LRPPRC: variants seen among roughly 807,000 people sequenced by gnomAD.
LRPPRC encodes the protein leucine rich pentatricopeptide repeat containing, also known as leucine-rich PPR motif-containing protein, mitochondrial.
Under a neutral mutation model 180.3 loss-of-function variants are expected in LRPPRC, and 120 were observed. That is an observed-to-expected ratio of 0.67 (90% confidence interval 0.57 to 0.77). The LOEUF (loss-of-function observed/expected upper bound fraction) is 0.77. Among genes scored for constraint, LRPPRC ranks in the 30% least tolerant of loss-of-function variants. LRPPRC has a pLI of 0.00. For synonymous variants in LRPPRC, 723 were observed against 600.0 expected (o/e 1.21, Z -3.00); for missense variants, 2,012 against 1,657.2 (o/e 1.21, Z -3.72).
In LRPPRC at chr2:43,975,188, G is replaced by C; in HGVS notation, c.767C>G (p.Thr256Arg). The change falls in exon 7 of 38, where the codon ACA (threonine) becomes AGA (arginine). Residue 256 changes from threonine (T) to arginine (R), a missense_variant. Physicochemically the swap from Thr to Arg is moderately conservative, Grantham distance 71 (BLOSUM62 -1). Transcript: ENST00000260665. ...GDMENAENILTVMRDAGIEPG... is the reference protein window; with the variant it reads ...GDMENAENILRVMRDAGIEPG... ...CTCAATTCCGGCATCTCTCATCACTGTGAGAATGTTTTCTGCATTCTCCAT... is the reference window on the plus strand; with the variant it reads ...CTCAATTCCGGCATCTCTCATCACTCTGAGAATGTTTTCTGCATTCTCCAT... 1 of 1,613,210 alleles carries C rather than the reference G, an allele frequency of 6.2e-7. No individual in the cohort carries two copies. The highest frequency in any genetic ancestry group is 8.5e-7 in the Non-Finnish European group (1 of 1,179,672).
At chr2:43,954,507 G>A (rs945318306) in intron 14 of LRPPRC, among the ~76,000 whole-genome samples, 2 of 152,210 alleles carry the variant, frequency 1.3e-5, no homozygotes, top group African/African-American at 4.8e-5. Context: ...GTAGAAGTGT[G>A]AATTGCTAAT....
chr2:43,930,460 A>T (rs1672048112), intron 25 of LRPPRC, among the ~76,000 whole-genome samples: 2 of 152,122 alleles, frequency 1.3e-5, no homozygotes, highest in Non-Finnish European at 2.9e-5. Flanking sequence ...GATTTTTCTG[A>T]CTTTTGGAAT....
chr2:43,982,177 C>G (rs527423601), intron 2 of LRPPRC, 61 bp downstream of exon 2: 4 of 1,210,424 alleles, frequency 3.3e-6, no homozygotes. Context: ...GCTGGGATTA[C>G]AGGCCTGAGC....
chr2:43,891,024 G>C (rs1670471990), intron 36 of LRPPRC, among the ~76,000 whole-genome samples: 1 of 152,222 alleles, frequency 6.6e-6, no homozygotes, highest in South Asian at 2.1e-4. Flanking sequence ...ACAGAGGTGA[G>C]ACGTTCAGCA....
chr2:43,984,684 C>T (rs1043918461), intron 1 of LRPPRC, among the ~76,000 whole-genome samples: 1 of 152,080 alleles, frequency 6.6e-6, no homozygotes, highest in African/African-American at 2.4e-5. Flanking sequence ...ATGGGTATGT[C>T]GTCACAGAAA....
chr2:43,917,241 A>G (rs1044911203), intron 29 of LRPPRC, among the ~76,000 whole-genome samples: 5 of 151,534 alleles, frequency 3.3e-5, no homozygotes, highest in African/African-American at 9.7e-5. Context: ...GAGTTTCACC[A>G]TGTTGGCCAG....
At position 43,947,358 on chromosome 2, in the gene LRPPRC, T is replaced by G; in HGVS notation, c.1978A>C (p.Thr660Pro). The change falls in exon 20 of 38, where the codon ACA becomes CCA. Residue 660 changes from threonine (T) to proline (P), a missense_variant. Thr to Pro is a conservative substitution (Grantham distance 38, BLOSUM62 -1). Coordinates refer to ENST00000260665, the MANE Select transcript of LRPPRC (RefSeq NM_133259.4). ...NLDFQKTVQLTSSELESTLET... is the reference protein window; with the variant it reads ...NLDFQKTVQLPSSELESTLET... ...AGTGTGGACTCCAATTCAGATGATG[T>G]AAGTTGCACAGTCTACAGAAAAGAA... The G allele has an allele frequency of 6.4e-7, 1 of 1,558,296 alleles. No individual in the cohort carries two copies. Among genetic ancestry groups the G allele is most frequent in the Admixed American group, 1.7e-5 (1 of 59,882 alleles).
intron 27 of LRPPRC, among the ~76,000 whole-genome samples, chr2:43,919,427 T>G (rs1312477325): frequency 1.3e-5 from 2 of 152,230 alleles, no homozygotes; most frequent in Non-Finnish European, 2.9e-5. Context: ...GAATAGAGAA[T>G]TGTCTATGTT....
chr2:43,889,699 G>A (rs777276379), intron 37 of LRPPRC, 35 bp downstream of exon 37: 5 of 1,511,870 alleles, frequency 3.3e-6, no homozygotes, highest in Non-Finnish European at 1.8e-6. Flanking sequence ...TAAATCTGCA[G>A]AGGTATTTTT....
At chr2:43,920,730 G>A (rs1216526943) in intron 27 of LRPPRC, among the ~76,000 whole-genome samples, 1 of 151,830 alleles carries the variant, frequency 6.6e-6, no homozygotes, top group Non-Finnish European at 1.5e-5. Context: ...ATTCTGCAGT[G>A]GAGCACTTCT....
chr2:43,893,763 A>G (rs999567140), intron 36 of LRPPRC, among the ~76,000 whole-genome samples: 1 of 152,166 alleles, frequency 6.6e-6, no homozygotes, highest in African/African-American at 2.4e-5. Flanking sequence ...TTTTATGACT[A>G]TTAGCTCTAT....
rs1672109728 is a variant in LRPPRC at position 43,932,097 on chromosome 2, C to T, written c.2736+2093G>A. Among the ~76,000 whole-genome samples, 3 of 102,784 alleles carry T rather than the reference C, an allele frequency of 2.9e-5. No individual in the cohort carries two copies. The Admixed American group carries it at 4.1e-4, about 14-fold the overall frequency. 67.4% of individuals were successfully genotyped at this position (102,784 alleles called of 152,430 possible). A position where few individuals can be genotyped will look rare whatever the true frequency, so the allele number is the denominator to read the frequency against. On this transcript the variant is annotated intron_variant, in intron 25 of 37. Coordinates refer to ENST00000260665, the MANE Select transcript of LRPPRC (RefSeq NM_133259.4). ...AGCTAAGCCACCACTGTACTACAGCCTGGCTAACAAAGCAAGACCCTGTCT... is the reference window on the plus strand; with the variant it reads ...AGCTAAGCCACCACTGTACTACAGCTTGGCTAACAAAGCAAGACCCTGTCT...
At chr2:43,977,630 C>A (rs1674119378) in intron 3 of LRPPRC, among the ~76,000 whole-genome samples, 1 of 152,166 alleles carries the variant, frequency 6.6e-6, no homozygotes, top group Non-Finnish European at 1.5e-5. Context: ...ACATTACAGA[C>A]ACACTGTGAA....
rs772327966 is a variant in LRPPRC at position 43,918,377 on chromosome 2, C to T, written c.2918G>A (p.Arg973Lys). ...GATTTTATTCCAGACTGCATCAGCT[C>T]TTTGCCAGTCACCGTTTATTTCTGT... The part of the protein sequence containing the change: ...KLYKINGDWQ[R>K]ADAVWNKIQE... The change falls in exon 28 of 38, where the codon AGA (arginine) becomes AAA (lysine). Residue 973 changes from arginine to lysine, a missense_variant. Transcript: ENST00000260665. 1 of 1,610,922 alleles carries T rather than the reference C, an allele frequency of 6.2e-7. No individual in the cohort carries two copies. Among genetic ancestry groups the T allele is most frequent in the Non-Finnish European group, 8.5e-7 (1 of 1,177,204 alleles).
At chr2:43,983,047 T>A (rs948469424) in intron 1 of LRPPRC, among the ~76,000 whole-genome samples, 15 of 152,082 alleles carry the variant, frequency 9.9e-5, no homozygotes, top group African/African-American at 3.1e-4. Context: ...ACTGTCAAAA[T>A]GTTAGCTGTA....
rs1385798211 is a variant in LRPPRC at position 43,974,200 on chromosome 2, G to T, written c.1105C>A (p.Pro369Thr). 1.9e-6 allele frequency: 3 copies of T among 1,613,236 alleles called. No homozygotes were observed. Among genetic ancestry groups the T allele is most frequent in the Non-Finnish European group, 2.5e-6 (3 of 1,179,234 alleles). The change falls in exon 9 of 38, where the codon CCA becomes ACA. Residue 369 changes from proline to threonine, a missense_variant. Physicochemically the swap from Pro to Thr is conservative, Grantham distance 38. Transcript: ENST00000260665. ...LACPVSKEDG[P>T]SVFGSFFLQH... is the part of the protein sequence containing the mutation. ...AAAAAGAAACTGCCAAAGACACTTG[G>T]GCCATCTTCCTTTGATACGGGGCAT...
intron 27 of LRPPRC, among the ~76,000 whole-genome samples, chr2:43,924,851 T>C (rs182131322): frequency 1.3e-5 from 2 of 152,346 alleles, no homozygotes; most frequent in Non-Finnish European, 2.9e-5. Flanking sequence ...TTTCTCATTA[T>C]TGCAGTAAGA....
At position 43,936,171 on chromosome 2, in the gene LRPPRC, A is replaced by G. The variant is rs552466426; in HGVS notation, c.2505-1293T>C. 6.6e-5 allele frequency among the ~76,000 whole-genome samples: 10 copies of G among 152,344 alleles called. No homozygotes were observed. In the East Asian group the frequency reaches 1.9e-3, roughly 29 times the overall value. ...ACCCCCTTTTACTTTCAAAGAAATAATGAAACTGGGGCATCTAGAGACTGG... is the reference window on the plus strand; with the variant it reads ...ACCCCCTTTTACTTTCAAAGAAATAGTGAAACTGGGGCATCTAGAGACTGG... On this transcript the variant is annotated intron_variant, in intron 23 of 37. Coordinates refer to ENST00000260665, the MANE Select transcript of LRPPRC (RefSeq NM_133259.4).
chr2:43,945,770 T>C (rs141913852), intron 21 of LRPPRC, among the ~76,000 whole-genome samples: 3 of 152,152 alleles, frequency 2.0e-5, no homozygotes, highest in Non-Finnish European at 4.4e-5. Context: ...ACCTGAGAAA[T>C]GGATAGAATT....
Sources: gnomAD v4.1 joint callset for allele counts (sites outside exome capture counted in the v4.1 genomes callset) on GRCh38, gnomAD v4.1.1 for gene constraint, MANE v1.5 for transcripts, NCBI Gene and HGNC (gene_info 2026-07-23, HGNC 2026-07-21) for gene names.